CMTM7: variants seen among roughly 807,000 people sequenced by gnomAD.
The protein encoded by CMTM7 is CKLF like MARVEL transmembrane domain containing 7, also known as CKLF-like MARVEL transmembrane domain-containing protein 7.
In CMTM7, 7 loss-of-function variants were observed where a neutral mutation model predicts 19.3. The observed-to-expected ratio is 0.36, with a 90% CI of 0.21 to 0.68. The LOEUF (loss-of-function observed/expected upper bound fraction) is 0.68. Among genes scored for constraint, CMTM7 ranks in the 30% least tolerant of loss-of-function variants. The pLI is 0.60. For synonymous variants in CMTM7, 87 were observed against 99.3 expected (o/e 0.88, Z 0.74); for missense variants, 193 against 232.6 (o/e 0.83, Z 1.11).
chr3:32,446,619 T>C lies in CMTM7; in HGVS notation c.334-2835T>C, dbSNP rs1284720985. ...CTCCAAATCTCATGTTAAAATTTGA[T>C]TCCCAGTGTTGGAGGTGGGGCCTAG... On this transcript the variant is annotated intron_variant, in intron 2 of 4. Coordinates refer to ENST00000334983, the MANE Select transcript of CMTM7 (RefSeq NM_138410.4). 3.9e-5 allele frequency among the ~76,000 whole-genome samples: 6 copies of C among 152,216 alleles called. No individual in the cohort carries two copies. The East Asian group carries it at 1.2e-3, about 29-fold the overall frequency.
At chr3:32,400,808 T>C (rs985771627) in intron 1 of CMTM7, among the ~76,000 whole-genome samples, 4 of 152,200 alleles carry the variant, frequency 2.6e-5, no homozygotes, top group African/African-American at 9.7e-5. Flanking sequence ...TGTACCATGG[T>C]ACACTGTGGC....
Position 32,401,170 on chromosome 3 carries a change from T to G in CMTM7, c.159+9105T>G, listed in dbSNP as rs181844903. ...ATTCAAAAATGCTTTTAAATGCTCT[T>G]GTATTTAAGTGATGGCCACAGTATC... On this transcript the variant is annotated intron_variant, in intron 1 of 4. Transcript: ENST00000334983. Among the ~76,000 whole-genome samples the G allele has an allele frequency of 1.6e-4, 24 of 152,356 alleles. 1 individual carries two copies. The highest frequency in any genetic ancestry group is 1.4e-3 in the Admixed American group (22 of 15,310).
intron 1 of CMTM7, among the ~76,000 whole-genome samples, chr3:32,430,812 T>A (rs1394211045): frequency 6.6e-6 from 1 of 151,942 alleles, no homozygotes; most frequent in African/African-American, 2.4e-5. Context: ...TCATCCCACG[T>A]GTTAGAGATA....
At chr3:32,452,093 C>T in intron 3 of CMTM7, 1 of 1,416,494 alleles carries the variant, frequency 7.1e-7, no homozygotes, top group Non-Finnish European at 9.3e-7. Context: ...GGCTTAGCCC[C>T]AGCTTGCTTG....
chr3:32,399,226 C>T (rs1347858801), intron 1 of CMTM7, among the ~76,000 whole-genome samples: 1 of 151,818 alleles, frequency 6.6e-6, no homozygotes, highest in African/African-American at 2.4e-5. Context: ...GCTGTACCGC[C>T]CCCTAGGGGT....
At chr3:32,439,050 G>A (rs566029313) in intron 1 of CMTM7, among the ~76,000 whole-genome samples, 25 of 152,292 alleles carry the variant, frequency 1.6e-4, no homozygotes, top group African/African-American at 6.0e-4. Flanking sequence ...AAGACCCCTA[G>A]ACTTCCCCAT....
intron 2 of CMTM7, among the ~76,000 whole-genome samples, chr3:32,443,547 G>A (rs778304824): frequency 1.3e-5 from 2 of 151,946 alleles, no homozygotes; most frequent in African/African-American, 4.8e-5. Flanking sequence ...CAAGTTTTTT[G>A]TGTGGACATA....
chr3:32,409,977 T>C (rs1220483674), intron 1 of CMTM7, among the ~76,000 whole-genome samples: 1 of 152,226 alleles, frequency 6.6e-6, no homozygotes, highest in Non-Finnish European at 1.5e-5. Context: ...AATCACCTCA[T>C]TTAATCCTCA....
At chr3:32,412,535 A>T (rs1559404277) in intron 1 of CMTM7, among the ~76,000 whole-genome samples, 1 of 87,856 alleles carries the variant, frequency 1.1e-5, no homozygotes, top group Non-Finnish European at 2.5e-5. Context: ...ACACACACAC[A>T]CACACTGCAT....
chr3:32,429,180 CT>C (rs1296393348), intron 1 of CMTM7, among the ~76,000 whole-genome samples: 3 of 151,614 alleles, frequency 2.0e-5, no homozygotes, highest in African/African-American at 7.3e-5. Flanking sequence ...AATTTCACAA[CT>C]TCCTCTCATG....
intron 1 of CMTM7, among the ~76,000 whole-genome samples, chr3:32,439,515 G>A (rs549569033): frequency 3.3e-5 from 5 of 152,260 alleles, no homozygotes; most frequent in African/African-American, 4.8e-5. Flanking sequence ...GTGCAGTGAC[G>A]TGATAATAGC....
chr3:32,421,062 C>G (rs914481528), intron 1 of CMTM7, among the ~76,000 whole-genome samples: 2 of 151,962 alleles, frequency 1.3e-5, no homozygotes, highest in African/African-American at 4.8e-5. Flanking sequence ...CACCTGCTGC[C>G]CTCCTCTCCC....
chr3:32,393,062 A>C (rs566100893), intron 1 of CMTM7, among the ~76,000 whole-genome samples: 28 of 151,922 alleles, frequency 1.8e-4, no homozygotes, highest in Non-Finnish European at 2.2e-4. Context: ...TGGGGAAAGG[A>C]GTGTGGGGCT....
intron 1 of CMTM7, among the ~76,000 whole-genome samples, chr3:32,414,255 C>G (rs781370512): frequency 2.6e-5 from 4 of 152,196 alleles, no homozygotes; most frequent in Non-Finnish European, 4.4e-5. Flanking sequence ...GCTACATTTT[C>G]TTGGTTCAGT....
intron 3 of CMTM7, chr3:32,452,182 C>G: frequency 6.6e-7 from 1 of 1,509,356 alleles, no homozygotes; most frequent in Non-Finnish European, 8.8e-7. Flanking sequence ...TGACCTGGCC[C>G]AACCTGGAGG....
chr3:32,420,951 G>A (rs563865853), intron 1 of CMTM7, among the ~76,000 whole-genome samples: 19 of 152,186 alleles, frequency 1.2e-4, no homozygotes, highest in Admixed American at 3.3e-4. Flanking sequence ...AAGTTTTTTT[G>A]TTGGTCTCAC....
At chr3:32,410,556 G>C (rs866694035) in intron 1 of CMTM7, among the ~76,000 whole-genome samples, 30 of 152,136 alleles carry the variant, frequency 2.0e-4, no homozygotes, top group Admixed American at 1.7e-3. Flanking sequence ...CTTCTGCCAG[G>C]CCCAGAACAG....
At chr3:32,452,795 C>G (rs1394642863) in intron 4 of CMTM7, among the ~76,000 whole-genome samples, 1 of 150,550 alleles carries the variant, frequency 6.6e-6, no homozygotes, top group African/African-American at 2.4e-5. Context: ...CCCTGTTGTC[C>G]AGGCTGGTGC....
intron 1 of CMTM7, among the ~76,000 whole-genome samples, chr3:32,436,133 T>G (rs1696594022): frequency 6.6e-6 from 1 of 152,212 alleles, no homozygotes; most frequent in Non-Finnish European, 1.5e-5. Flanking sequence ...CCTAGATTAT[T>G]CTCCCTCCCT....
Sources: gnomAD v4.1 joint callset for allele counts (sites outside exome capture counted in the v4.1 genomes callset) on GRCh38, gnomAD v4.1.1 for gene constraint, MANE v1.5 for transcripts, NCBI Gene and HGNC (gene_info 2026-07-23, HGNC 2026-07-21) for gene names.